The following NEURL1 variants were observed in gnomAD, a reference collection of about 807,000 sequenced individuals.
NEURL1 encodes E3 ubiquitin-protein ligase NEURL1.
Under a neutral mutation model 41.2 loss-of-function variants are expected in NEURL1, and 26 were observed. That is an observed-to-expected ratio of 0.63 (90% CI 0.46 to 0.87). The LOEUF is 0.87. NEURL1 is among the 40% of genes least tolerant of loss of function. The pLI, the probability that NEURL1 is intolerant of heterozygous loss-of-function variation, is 0.00. For missense variants in NEURL1, 761 were observed against 871.1 expected, an observed-to-expected ratio of 0.87 and a Z score of 1.59; for synonymous variants, 400 against 402.3, an observed-to-expected ratio of 0.99 and a Z score of 0.07.
chr10:103,521,991 T>C (rs960498268), intron 1 of NEURL1, among the ~76,000 whole-genome samples: 2 of 151,962 alleles, frequency 1.3e-5, no homozygotes, highest in African/African-American at 4.8e-5. Flanking sequence ...GGTGGAATAT[T>C]ACAGTCAAAG....
At chr10:103,561,615 T>G in intron 1 of NEURL1, among the ~76,000 whole-genome samples, 1 of 152,160 alleles carries the variant, frequency 6.6e-6, no homozygotes, top group East Asian at 1.9e-4. Flanking sequence ...CAACCCACGC[T>G]TAAGGGGAAG....
chr10:103,531,871 C>T (rs1242293928), intron 1 of NEURL1, among the ~76,000 whole-genome samples: 2 of 152,080 alleles, frequency 1.3e-5, no homozygotes, highest in African/African-American at 2.4e-5. Flanking sequence ...TCTGGATGCT[C>T]CATTGTTTGG....
At chr10:103,537,600 C>T (rs1031185862) in intron 1 of NEURL1, among the ~76,000 whole-genome samples, 9 of 152,056 alleles carry the variant, frequency 5.9e-5, no homozygotes, top group African/African-American at 2.2e-4. Flanking sequence ...CACCATGTTG[C>T]CCAGAGTGGT....
intron 1 of NEURL1, among the ~76,000 whole-genome samples, chr10:103,546,222 T>C (rs2034921548): frequency 6.6e-6 from 1 of 152,176 alleles, no homozygotes; most frequent in African/African-American, 2.4e-5. Flanking sequence ...TGATGCTGTG[T>C]TTATTTAACC....
chr10:103,504,990 T>A (rs975694564), intron 1 of NEURL1, among the ~76,000 whole-genome samples: 33 of 151,864 alleles, frequency 2.2e-4, no homozygotes, highest in Non-Finnish European at 7.4e-5. Context: ...GCCGATTAAA[T>A]GCCACTGGCC....
intron 1 of NEURL1, among the ~76,000 whole-genome samples, chr10:103,530,949 G>C (rs1029131897): frequency 6.6e-6 from 1 of 152,066 alleles, no homozygotes; most frequent in African/African-American, 2.4e-5. Context: ...TTGCCTGGGC[G>C]TGGTGGCTTA....
At chr10:103,577,962 C>G (rs544787018) in intron 3 of NEURL1, 3 of 152,318 alleles carry the variant, frequency 2.0e-5, no homozygotes, top group African/African-American at 7.2e-5. Flanking sequence ...ATGTTTGCCC[C>G]TAGCATCTCT....
intron 1 of NEURL1, among the ~76,000 whole-genome samples, chr10:103,520,516 T>C (rs1239784693): frequency 6.6e-6 from 1 of 152,174 alleles, no homozygotes; most frequent in Admixed American, 6.5e-5. Context: ...TGGAATGTCA[T>C]CAGTTAAGGC....
At chr10:103,562,340 G>T (rs1005628424) in intron 1 of NEURL1, among the ~76,000 whole-genome samples, 6 of 152,190 alleles carry the variant, frequency 3.9e-5, no homozygotes, top group Admixed American at 3.3e-4. Context: ...CCAAGATCAC[G>T]CCACGACTCT....
At chr10:103,564,265 C>T (rs892546954) in intron 1 of NEURL1, among the ~76,000 whole-genome samples, 2 of 152,168 alleles carry the variant, frequency 1.3e-5, no homozygotes, top group Non-Finnish European at 2.9e-5. Context: ...GAGTTTCCAC[C>T]ATGTCAGCAG....
At chr10:103,570,833 C>A (rs765198567) in intron 1 of NEURL1, 39 bp from the exon 2 acceptor site, 57 of 1,589,442 alleles carry the variant, frequency 3.6e-5, no homozygotes, top group Non-Finnish European at 4.9e-5. Context: ...GCTCTTGGAC[C>A]CGCCAAGTTC....
chr10:103,503,171 A>G (rs778558167), intron 1 of NEURL1, among the ~76,000 whole-genome samples: 1 of 152,222 alleles, frequency 6.6e-6, no homozygotes, highest in Non-Finnish European at 1.5e-5. Context: ...AGAGGCGCTA[A>G]TGGGCCAGCC....
chr10:103,573,078 T>C (rs1007719357), intron 3 of NEURL1, among the ~76,000 whole-genome samples: 5 of 152,010 alleles, frequency 3.3e-5, no homozygotes, highest in African/African-American at 1.2e-4. Flanking sequence ...AAGTCAGTGA[T>C]AGTAAAAACA....
At chr10:103,525,092 G>A (rs1412274381) in intron 1 of NEURL1, among the ~76,000 whole-genome samples, 2 of 151,648 alleles carry the variant, frequency 1.3e-5, no homozygotes, top group Non-Finnish European at 2.9e-5. Flanking sequence ...GTTTTTTTAT[G>A]TCCTCTTCAA....
At chr10:103,573,106 C>T (rs887856637) in intron 3 of NEURL1, among the ~76,000 whole-genome samples, 1 of 152,092 alleles carries the variant, frequency 6.6e-6, no homozygotes, top group African/African-American at 2.4e-5. Context: ...GAGTCAGAAG[C>T]CTGTTTGTTG....
At chr10:103,521,172 G>C (rs117290795) in intron 1 of NEURL1, among the ~76,000 whole-genome samples, 2,385 of 152,288 alleles carry the variant, frequency 0.016, 32 homozygotes, top group Middle Eastern at 0.027. Context: ...AGGACAGAAA[G>C]GGGTATGAAG....
chr10:103,495,399 T>C (rs568336580), intron 1 of NEURL1, among the ~76,000 whole-genome samples: 4 of 152,356 alleles, frequency 2.6e-5, no homozygotes, highest in African/African-American at 9.6e-5. Flanking sequence ...CTCCTCAGGT[T>C]ATGAGAAGGA....
chr10:103,571,760 C>T lies in NEURL1; in HGVS notation c.587C>T (p.Thr196Met), dbSNP rs769464925. 5.6e-6 allele frequency: 9 copies of T among 1,613,808 alleles called. No homozygotes were observed. Among genetic ancestry groups the T allele is most frequent in the South Asian group, 2.2e-5 (2 of 91,068 alleles). ...AVMLFFSGVR[T>M]ADPLWALVDV... is the part of the protein sequence containing the mutation. ...ATGCTGTTCTTCAGCGGGGTCCGCA[C>T]GGCCGACCCGCTCTGGGCCCTGGTG... The change falls in exon 3 of 6, where the codon ACG becomes ATG. Residue 196 changes from threonine to methionine, a missense_variant. Thr to Met is a moderately conservative substitution (Grantham distance 81). Coordinates refer to ENST00000369780, the MANE Select transcript of NEURL1 (RefSeq NM_004210.5).
At position 103,508,996 on chromosome 10, in the gene NEURL1, A is replaced by AGGC. The variant is rs911573854; in HGVS notation, c.85+14527_85+14529dup. ...GCTTCACCTCCTTAGCACGAGGCTG[A>AGGC]GGCGGGTGGATCACCTGAGGTCAGG... On this transcript the variant is annotated intron_variant, in intron 1 of 5. Coordinates refer to ENST00000369780, the MANE Select transcript of NEURL1 (RefSeq NM_004210.5). The surrounding 1 kb of genome is among the most constrained non-coding windows in gnomAD (Gnocchi z 4.3). 2.0e-3 allele frequency among the ~76,000 whole-genome samples: 299 copies of AGGC among 152,304 alleles called. No individual in the cohort carries two copies. Among genetic ancestry groups the AGGC allele is most frequent in the African/African-American group, 7.0e-3 (289 of 41,580 alleles).
Sources: gnomAD v4.1 joint callset for allele counts (sites outside exome capture counted in the v4.1 genomes callset) on GRCh38, gnomAD v4.1.1 for gene constraint, Gnocchi (gnomAD v3.1) non-coding constraint, MANE v1.5 for transcripts, NCBI Gene and HGNC (gene_info 2026-07-23, HGNC 2026-07-21) for gene names.